DENND4A: variants seen among roughly 807,000 people sequenced by gnomAD.
DENND4A encodes the protein DENN domain containing 4A, also known as C-myc promoter-binding protein.
Under a neutral mutation model 199.3 loss-of-function variants are expected in DENND4A, and 70 were observed. The observed-to-expected ratio is 0.35, with a 90% CI of 0.29 to 0.43. DENND4A has a LOEUF of 0.43. Ranked by LOEUF, DENND4A falls within the 20% of genes least tolerant of loss-of-function variation. The pLI, the probability that DENND4A is intolerant of heterozygous loss-of-function variation, is 1.00. For synonymous variants in DENND4A, 686 were observed against 766.9 expected (o/e 0.89, Z 1.74); for missense variants, 1,723 against 2,255.8 (o/e 0.76, Z 4.78).
intron 14 of DENND4A, among the ~76,000 whole-genome samples, chr15:65,708,225 TG>T (rs995172299): frequency 2.9e-4 from 44 of 152,144 alleles, no homozygotes; most frequent in Admixed American, 6.6e-5. Context: ...CAGACTGGTC[TG>T]GAACTCCTGG....
At chr15:65,712,718 T>G (rs1375174198) in intron 14 of DENND4A, among the ~76,000 whole-genome samples, 1 of 143,386 alleles carries the variant, frequency 7.0e-6, no homozygotes, top group Non-Finnish European at 1.5e-5. Flanking sequence ...GTATTTTGGC[T>G]GTTGTGTTAA....
At chr15:65,668,203 T>C in intron 27 of DENND4A, 80 bp from the exon 28 acceptor site, 1 of 926,404 alleles carries the variant, frequency 1.1e-6, no homozygotes, top group Non-Finnish European at 1.5e-6. Flanking sequence ...GTTCTCTCTC[T>C]CTCTCTCTTT....
chr15:65,666,152 A>G (rs2076029688), intron 29 of DENND4A, among the ~76,000 whole-genome samples: 1 of 152,194 alleles, frequency 6.6e-6, no homozygotes, highest in Non-Finnish European at 1.5e-5. Flanking sequence ...TGCAGATAGT[A>G]CCGAACCCTA....
intron 1 of DENND4A, among the ~76,000 whole-genome samples, chr15:65,780,840 C>T (rs1214497619): frequency 2.0e-5 from 3 of 152,202 alleles, no homozygotes; most frequent in African/African-American, 4.8e-5. Context: ...AGCAAAGTCA[C>T]GTTTCAATCC....
intron 4 of DENND4A, among the ~76,000 whole-genome samples, chr15:65,748,159 C>T (rs76761996): frequency 6.0e-5 from 9 of 150,174 alleles, no homozygotes; most frequent in Admixed American, 4.6e-4. Context: ...TGTTGAAATG[C>T]GTATAAAATC....
At chr15:65,747,822 C>T (rs2076443356) in intron 4 of DENND4A, among the ~76,000 whole-genome samples, 1 of 151,824 alleles carries the variant, frequency 6.6e-6, no homozygotes, top group African/African-American at 2.4e-5. Flanking sequence ...GTGGGCGGAT[C>T]ACAAGGTCAG....
At chr15:65,678,608 C>A (rs1399904791) in intron 23 of DENND4A, among the ~76,000 whole-genome samples, 1 of 152,180 alleles carries the variant, frequency 6.6e-6, no homozygotes, top group Admixed American at 6.5e-5. Flanking sequence ...GCCACCTTAC[C>A]AGTTCAAACA....
At chr15:65,765,164 A>G (rs768033061) in intron 1 of DENND4A, among the ~76,000 whole-genome samples, 1 of 152,230 alleles carries the variant, frequency 6.6e-6, no homozygotes, top group Non-Finnish European at 1.5e-5. Context: ...TGAGGCTGAC[A>G]CAAAACTGGC....
In DENND4A at chr15:65,670,149, A is replaced by G. The variant is rs755652794; in HGVS notation, c.4504T>C (p.Cys1502Arg). 6.3e-7 allele frequency: 1 copy of G among 1,584,768 alleles called. No homozygotes were observed. The highest frequency in any genetic ancestry group is 8.6e-7 in the Non-Finnish European group (1 of 1,165,340). The change falls in exon 26 of 33, where the codon TGT becomes CGT. Residue 1502 changes from cysteine (C) to arginine (R), a missense_variant. By Grantham distance (180) the Cys-to-Arg change is radical. Around this residue, in one of 6 missense-constraint regions of DENND4A, gnomAD observed 650 missense variants for 738.1 expected, o/e 0.88. Transcript: ENST00000443035. ...SSCSRCRTCD[C>R]LVHDEEIMAG... is the part of the protein sequence containing the mutation. ...ATGATTTCCTCATCATGGACAAGAC[A>G]ATCACAAGTTCTACACCGAGAGCAA...
chr15:65,773,722 T>A (rs1157797239), intron 1 of DENND4A, among the ~76,000 whole-genome samples: 7 of 152,220 alleles, frequency 4.6e-5, no homozygotes, highest in Non-Finnish European at 8.8e-5. Flanking sequence ...TTTTGTCGCT[T>A]TTATCACAAA....
chr15:65,738,846 A>G lies in DENND4A; in HGVS notation c.661T>C (p.Tyr221His), dbSNP rs1267218945. ...GLICRYPQED[Y>H]ESFSLPESVP... ...GATTCCGGTAGTGAGAATGACTCAT[A>G]ATCTTCTTGAGGATATCTACAAATT... The change falls in exon 6 of 33, where the codon TAT becomes CAT. Residue 221 changes from tyrosine to histidine, a missense_variant. Coordinates refer to ENST00000443035, the MANE Select transcript of DENND4A (RefSeq NM_001320835.1). The G allele has an allele frequency of 6.2e-7, 1 of 1,603,898 alleles. No individual in the cohort carries two copies. Among genetic ancestry groups the G allele is most frequent in the Non-Finnish European group, 8.5e-7 (1 of 1,176,130 alleles).
At chr15:65,728,246 G>A (rs1180182033) in intron 11 of DENND4A, among the ~76,000 whole-genome samples, 4 of 151,842 alleles carry the variant, frequency 2.6e-5, no homozygotes, top group African/African-American at 9.7e-5. Context: ...CAAGTGATCC[G>A]TCCACCTTGG....
chr15:65,704,834 C>A (rs978259586), intron 15 of DENND4A, among the ~76,000 whole-genome samples: 5 of 152,048 alleles, frequency 3.3e-5, no homozygotes, highest in Non-Finnish European at 7.4e-5. Flanking sequence ...TCAAGTGATC[C>A]GCCCACCTCA....
chr15:65,700,979 A>T, intron 19 of DENND4A, 72 bp downstream of exon 19: 1 of 1,483,326 alleles, frequency 6.7e-7, no homozygotes, highest in Non-Finnish European at 9.1e-7. Flanking sequence ...AAACTATTTA[A>T]AATTTCTAAA....
chr15:65,691,956 TC>T (rs1178165294), intron 22 of DENND4A, among the ~76,000 whole-genome samples: 5 of 150,578 alleles, frequency 3.3e-5, no homozygotes, highest in Admixed American at 6.6e-5. Flanking sequence ...TTCTGAGTCT[TC>T]CTTTTTTTTT....
At chr15:65,770,749 T>A (rs889976539) in intron 1 of DENND4A, among the ~76,000 whole-genome samples, 1 of 152,182 alleles carries the variant, frequency 6.6e-6, no homozygotes, top group African/African-American at 2.4e-5. Flanking sequence ...ATTTATTCCA[T>A]CAATTTAAAC....
At chr15:65,757,177 G>C (rs2076726012) in intron 2 of DENND4A, among the ~76,000 whole-genome samples, 1 of 151,002 alleles carries the variant, frequency 6.6e-6, no homozygotes, top group African/African-American at 2.4e-5. Context: ...AATGCAGTCT[G>C]TAAACTACCA....
intron 23 of DENND4A, among the ~76,000 whole-genome samples, chr15:65,687,299 T>C (rs943175467): frequency 6.6e-6 from 1 of 152,180 alleles, no homozygotes; most frequent in African/African-American, 2.4e-5. Context: ...TAAGTTCCTT[T>C]ACTACTGATG....
At chr15:65,777,616 GTACTAGCAT>G (rs1397794951) in intron 1 of DENND4A, among the ~76,000 whole-genome samples, 1 of 151,954 alleles carries the variant, frequency 6.6e-6, no homozygotes, top group Non-Finnish European at 1.5e-5. Context: ...GCCTCCCAAA[GTACTAGCAT>G]TATGGGTGTG....
Sources: allele counts gnomAD v4.1 joint callset (sites outside exome capture counted in the v4.1 genomes callset), GRCh38; gene constraint gnomAD v4.1.1; regional missense constraint gnomAD v4.1.1; transcripts MANE v1.5; gene names NCBI Gene and HGNC (gene_info 2026-07-23, HGNC 2026-07-21).